ALDH7A1: variants seen among roughly 807,000 people sequenced by gnomAD.
The protein encoded by ALDH7A1 is aldehyde dehydrogenase 7 family member A1.
Under a neutral mutation model 79.9 loss-of-function variants are expected in ALDH7A1, and 63 were observed. The observed-to-expected ratio is 0.79, with a 90% CI of 0.64 to 0.97. The LOEUF (loss-of-function observed/expected upper bound fraction) is 0.97, where lower values mean the gene tolerates loss of function less well. ALDH7A1 is among the 50% of genes least tolerant of loss of function. The pLI, the probability that ALDH7A1 is intolerant of heterozygous loss-of-function variation, is 0.00. For synonymous variants in ALDH7A1, 240 were observed against 231.2 expected (o/e 1.04, Z -0.34); for missense variants, 627 against 665.2 (o/e 0.94, Z 0.63).
At chr5:126,554,043 G>T (rs1750090554) in intron 13 of ALDH7A1, among the ~76,000 whole-genome samples, 2 of 152,176 alleles carry the variant, frequency 1.3e-5, no homozygotes, top group Admixed American at 1.3e-4. Flanking sequence ...GGGAGGCGGA[G>T]GTTGCCGTGA....
Position 126,565,325 on chromosome 5 carries a change from A to G in ALDH7A1, c.871+2934T>C, listed in dbSNP as rs192259777. Among the ~76,000 whole-genome samples the G allele has an allele frequency of 4.1e-3, 563 of 138,726 alleles. 6 individuals carry two copies. The highest frequency in any genetic ancestry group is 0.014 in the African/African-American group (541 of 37,544). 91.0% of individuals were successfully genotyped at this position (138,726 alleles called of 152,430 possible). On this transcript the variant is annotated intron_variant, in intron 9 of 17. Coordinates refer to ENST00000409134, the MANE Select transcript of ALDH7A1 (RefSeq NM_001182.5). ...GAAGAATCACTTGAACCTGGGAGGC[A>G]GAGGTTGCAGTGAGCCAGGATCTCC...
intron 5 of ALDH7A1, 86 bp from the exon 6 acceptor site, chr5:126,577,297 G>A (rs920656890): frequency 1.3e-6 from 2 of 1,544,484 alleles, no homozygotes; most frequent in Admixed American, 1.9e-5. Context: ...CAGCAGACTG[G>A]AGAAGATTCC....
intron 9 of ALDH7A1, chr5:126,564,276 C>T (rs991345329): frequency 3.4e-5 from 8 of 232,738 alleles, no homozygotes; most frequent in African/African-American, 1.6e-4. Context: ...TTGCCTCAGC[C>T]TCCCAAGTAG....
In ALDH7A1 at chr5:126,577,195, C is replaced by T; in HGVS notation, c.534G>A (p.Leu178=). ...GGCCTACGGGATTCCACTGCTCAAT[C>T]AGTGCATGGCCAGATCCTGAGGACA... ...ILPSERSGHA[L]IEQWNPVGLV... Residue 178 remains leucine (L), a synonymous_variant, in exon 6 of 18, where the codon CTG becomes CTA. Coordinates refer to ENST00000409134, the MANE Select transcript of ALDH7A1 (RefSeq NM_001182.5). The T allele has an allele frequency of 6.2e-7, 1 of 1,614,138 alleles. No individual in the cohort carries two copies. Among genetic ancestry groups the T allele is most frequent in the Non-Finnish European group, 8.5e-7 (1 of 1,180,032 alleles).
chr5:126,579,654 T>TAAA (rs34674137), intron 5 of ALDH7A1, among the ~76,000 whole-genome samples: 19 of 149,390 alleles, frequency 1.3e-4, no homozygotes, highest in African/African-American at 2.9e-4. Context: ...TAAACTGCTT[T>TAAA]AAAAAAAAAA....
In ALDH7A1 at chr5:126,595,157, C is replaced by T; in HGVS notation, c.42G>A (p.Lys14=). 6.4e-7 allele frequency: 1 copy of T among 1,556,834 alleles called. No individual in the cohort carries two copies. Among genetic ancestry groups the T allele is most frequent in the Non-Finnish European group, 8.7e-7 (1 of 1,149,646 alleles). The change falls in exon 1 of 18, where the codon AAG becomes AAA. Residue 14 remains lysine, a synonymous_variant. Transcript: ENST00000409134. ...LPRALCVHAA[K]TSKLSGPWSR... is the part of the protein sequence containing the mutation. ...TCCAAGGTCCAGAGAGCTTGCTGGT[C>T]TTTGCAGCGTGCACACACAGCGCGC...
At chr5:126,568,547 G>A in intron 8 of ALDH7A1, 191 bp from the exon 9 acceptor site, 1 of 609,484 alleles carries the variant, frequency 1.6e-6, no homozygotes, top group East Asian at 2.9e-5. Context: ...CCATTAGGCA[G>A]AAGAGGCTAA....
intron 3 of ALDH7A1, among the ~76,000 whole-genome samples, chr5:126,589,804 C>T (rs2112811893): frequency 6.7e-6 from 1 of 149,574 alleles, no homozygotes; most frequent in Admixed American, 6.6e-5. Flanking sequence ...CTCGGCTGCC[C>T]ACCATCTGGG....
At chr5:126,547,122 C>A (rs1054420174) in intron 16 of ALDH7A1, among the ~76,000 whole-genome samples, 4 of 152,186 alleles carry the variant, frequency 2.6e-5, no homozygotes, top group Admixed American at 2.6e-4. Context: ...GGAACAGAGT[C>A]GCAGAGGCTC....
chr5:126,568,759 C>T (rs1212212075), intron 8 of ALDH7A1: 1 of 247,698 alleles, frequency 4.0e-6, no homozygotes, highest in African/African-American at 2.2e-5. Flanking sequence ...CGATGAAACC[C>T]CATCTCTATA....
intron 13 of ALDH7A1, among the ~76,000 whole-genome samples, chr5:126,553,851 T>C (rs1486087864): frequency 1.3e-5 from 2 of 152,012 alleles, no homozygotes; most frequent in East Asian, 3.9e-4. Context: ...TTCATGCCTG[T>C]AATCCCAACA....
rs147361763 is a variant in ALDH7A1 at position 126,556,870 on chromosome 5, C to T, written c.1009-855G>A. On this transcript the variant is annotated intron_variant, in intron 11 of 17. Coordinates refer to ENST00000409134, the MANE Select transcript of ALDH7A1 (RefSeq NM_001182.5). Reference sequence around the variant, plus strand: ...TCTCCACATGTGATGAATGAATTGACATTATGAGAACTAGTCATGAAGCAG... The same window carrying T: ...TCTCCACATGTGATGAATGAATTGATATTATGAGAACTAGTCATGAAGCAG... Among the ~76,000 whole-genome samples, 15 of 152,246 alleles carry T rather than the reference C, an allele frequency of 9.9e-5. No homozygotes were observed. In the East Asian group the frequency reaches 2.9e-3, roughly 29 times the overall value.
At chr5:126,561,967 C>G (rs879256823) in intron 9 of ALDH7A1, 2 of 152,088 alleles carry the variant, frequency 1.3e-5, no homozygotes, top group African/African-American at 4.8e-5. Context: ...GAGACTGTCT[C>G]AAGTAAGTAA....
At chr5:126,562,780 A>G (rs9765047) in intron 9 of ALDH7A1, among the ~76,000 whole-genome samples, 93,636 of 151,960 alleles carry the variant, frequency 0.62, 29,093 homozygotes, top group Middle Eastern at 0.69. Flanking sequence ...CCCAAGAGGC[A>G]GAGGTTACAG....
chr5:126,570,080 A>C (rs1750723462), intron 8 of ALDH7A1: 2 of 152,462 alleles, frequency 1.3e-5, no homozygotes, highest in South Asian at 4.1e-4. Flanking sequence ...TTTATACAAA[A>C]TGTCTCAAAT....
intron 16 of ALDH7A1, among the ~76,000 whole-genome samples, chr5:126,548,894 TAAAAAAAAAAAAAA>T (rs33926729): frequency 3.0e-4 from 28 of 93,388 alleles, no homozygotes; most frequent in Admixed American, 1.7e-3. Flanking sequence ...GGCCTGTTTC[TAAAAAAAAAAAAAA>T]AAAAAAAAAA....
intron 3 of ALDH7A1, chr5:126,585,986 CAT>C (rs1491279900): frequency 1.3e-5 from 2 of 152,282 alleles, no homozygotes; most frequent in Admixed American, 6.5e-5. Flanking sequence ...TCCATCAGCA[CAT>C]GATTGGTTAA....
In ALDH7A1 at chr5:126,570,777, C is replaced by A. The variant is rs1131691580; in HGVS notation, c.773+5G>T. 6.2e-7 allele frequency: 1 copy of A among 1,613,900 alleles called. No homozygotes were observed. Among genetic ancestry groups the A allele is most frequent in the Non-Finnish European group, 8.5e-7 (1 of 1,179,824 alleles). On this transcript the variant is annotated splice_donor_5th_base_variant and intron_variant, in intron 8 of 17. Coordinates refer to ENST00000409134, the MANE Select transcript of ALDH7A1 (RefSeq NM_001182.5). ...ACAGAGGATGCTCTCAGCCTAGTAA[C>A]CTACCCAATATCTGCTCCACCACAA...
At chr5:126,582,509 A>G (rs1751211922) in intron 5 of ALDH7A1, among the ~76,000 whole-genome samples, 1 of 152,214 alleles carries the variant, frequency 6.6e-6, no homozygotes, top group Admixed American at 6.5e-5. Context: ...TTCTTTAAAC[A>G]TAACTTCTGT....
Sources: allele counts gnomAD v4.1 joint callset (sites outside exome capture counted in the v4.1 genomes callset), GRCh38; gene constraint gnomAD v4.1.1; transcripts MANE v1.5; gene names NCBI Gene and HGNC (gene_info 2026-07-23, HGNC 2026-07-21).